Variants in TRDMT1 observed in about 807,000 individuals in gnomAD.
TRDMT1 encodes tRNA aspartic acid methyltransferase 1.
In TRDMT1, 49 loss-of-function variants were observed where a neutral mutation model predicts 51.2. That is an observed-to-expected ratio of 0.96 (90% CI 0.76 to 1.21). The LOEUF (loss-of-function observed/expected upper bound fraction) is 1.21, where lower values mean the gene tolerates loss of function less well. Among genes scored for constraint, TRDMT1 ranks in the 50% most tolerant of loss-of-function variants. TRDMT1 has a pLI of 0.00. For missense variants in TRDMT1, 534 were observed against 462.3 expected, an observed-to-expected ratio of 1.16 and a Z score of -1.42; for synonymous variants, 187 against 164.6, an observed-to-expected ratio of 1.14 and a Z score of -1.04.
chr10:17,145,678 T>A lies in TRDMT1; in HGVS notation c.*3362A>T. 1 of 985,446 alleles carries A rather than the reference T, an allele frequency of 1.0e-6. No homozygotes were observed. The allele number at this position is 985,446 out of a possible 1,614,324, so 61.0% of individuals were successfully genotyped here. A position where few individuals can be genotyped will look rare whatever the true frequency, so the allele number is the denominator to read the frequency against. On this transcript the variant is annotated 3_prime_UTR_variant, in exon 11 of 11. Transcript: ENST00000377799. ...CTTTAATCTCTTTGTCTATGTGGGA[T>A]TAAAATTTGGTCCTTATTGTGTTAT... is the stretch of plus-strand genomic sequence containing the variant.
chr10:17,174,642 T>C lies in TRDMT1; in HGVS notation c.83A>G (p.Gln28Arg). 2 of 1,613,828 alleles carry C rather than the reference T, an allele frequency of 1.2e-6. No homozygotes were observed. Among genetic ancestry groups the C allele is most frequent in the Middle Eastern group, 1.7e-4 (1 of 6,058 alleles). Reference protein sequence around the residue: ...HALRESCIPAQVVAAIDVNTV... With the variant: ...HALRESCIPARVVAAIDVNTV... ...GTTGACATCAATGGCAGCCACCACTTGTGCAGGTATACAGCTTTCTGTAAT... is the reference window on the plus strand; with the variant it reads ...GTTGACATCAATGGCAGCCACCACTCGTGCAGGTATACAGCTTTCTGTAAT... The change falls in exon 2 of 11, where the codon CAA (glutamine) becomes CGA (arginine). Residue 28 changes from glutamine to arginine, a missense_variant. By Grantham distance (43) the Gln-to-Arg change is conservative. Coordinates refer to ENST00000377799, the MANE Select transcript of TRDMT1 (RefSeq NM_004412.7).
Position 17,147,745 on chromosome 10 carries a change from G to A in TRDMT1, c.*1295C>T, listed in dbSNP as rs11254403. ...GACACTTGGGCTGCTTCTACCTTTT[G>A]GCTACTGTAAATAATGGTGTTATAA... On this transcript the variant is annotated 3_prime_UTR_variant, in exon 11 of 11. Transcript: ENST00000377799. 1 of 156,522 alleles carries A rather than the reference G, an allele frequency of 6.4e-6. No homozygotes were observed. Among genetic ancestry groups the A allele is most frequent in the South Asian group, 2.0e-4 (1 of 4,904 alleles). The allele number at this position is 156,522 out of a possible 1,614,324, so 9.7% of individuals were successfully genotyped here. A position where few individuals can be genotyped will look rare whatever the true frequency, so the allele number is the denominator to read the frequency against.
At chr10:17,162,263 C>CAA (rs74261044) in intron 3 of TRDMT1, 26 bp from the exon 4 acceptor site, 47 of 967,594 alleles carry the variant, frequency 4.9e-5, no homozygotes, top group Non-Finnish European at 6.5e-5. Flanking sequence ...AAAAAAAAAA[C>CAA]AAAAAAAAAC....
Position 17,141,229 on chromosome 10 carries a change from C to T in TRDMT1, c.*7811G>A, listed in dbSNP as rs1289746232. 1.3e-5 allele frequency among the ~76,000 whole-genome samples: 2 copies of T among 152,298 alleles called. No individual in the cohort carries two copies. The highest frequency in any genetic ancestry group is 2.4e-5 in the African/African-American group (1 of 41,558). On this transcript the variant is annotated 3_prime_UTR_variant, in exon 11 of 11. Transcript: ENST00000377799. ...CCAGGCTGGAGTGCAGTGGCACGAT[C>T]TCAGCTCACTGCAGTCTCCGCTCCT...
At chr10:17,163,427 C>A (rs1840706983) in intron 3 of TRDMT1, among the ~76,000 whole-genome samples, 1 of 152,060 alleles carries the variant, frequency 6.6e-6, no homozygotes, top group African/African-American at 2.4e-5. Flanking sequence ...CAGGAAAGAT[C>A]TAAAATTTAC....
chr10:17,157,793 A>C lies in TRDMT1; in HGVS notation c.544-9T>G, dbSNP rs1416626056. The C allele has an allele frequency of 6.5e-7, 1 of 1,530,756 alleles. No individual in the cohort carries two copies. Among genetic ancestry groups the C allele is most frequent in the Non-Finnish European group, 8.8e-7 (1 of 1,139,590 alleles). 94.8% of individuals were successfully genotyped at this position (1,530,756 alleles called of 1,614,324 possible). A position where few individuals can be genotyped will look rare whatever the true frequency, so the allele number is the denominator to read the frequency against. ...GGGAACTCCATCAGTACCTGGCATT[A>C]CATAAAAATACACAAATTGTCAAAA... On this transcript the variant is annotated splice_polypyrimidine_tract_variant and intron_variant, in intron 7 of 10. Transcript: ENST00000377799.
In TRDMT1 at chr10:17,142,938, G is replaced by A; in HGVS notation, c.*6102C>T. The A allele has an allele frequency of 1.1e-6, 1 of 941,236 alleles. No homozygotes were observed. Among genetic ancestry groups the A allele is most frequent in the Non-Finnish European group, 1.3e-6 (1 of 789,868 alleles). 58.3% of individuals were successfully genotyped at this position (941,236 alleles called of 1,614,324 possible). ...TAATTACACTTTTCAGGGAGGAGCA[G>A]GGAGAAATAAATCTACACTCTCTTG... On this transcript the variant is annotated 3_prime_UTR_variant, in exon 11 of 11. Coordinates refer to ENST00000377799, the MANE Select transcript of TRDMT1 (RefSeq NM_004412.7).
chr10:17,161,632 C>T (rs1443841704), intron 4 of TRDMT1, 84 bp from the exon 5 acceptor site: 7 of 745,222 alleles, frequency 9.4e-6, no homozygotes, highest in East Asian at 3.7e-5. Flanking sequence ...GTGGGAAATA[C>T]GAGGTAAGTA....
At chr10:17,164,940 T>C (rs992805818) in intron 3 of TRDMT1, among the ~76,000 whole-genome samples, 14 of 152,080 alleles carry the variant, frequency 9.2e-5, no homozygotes, top group Admixed American at 2.6e-4. Context: ...AATGGCCACA[T>C]TGCCCAAGGT....
chr10:17,193,778 G>A (rs1845018546), intron 1 of TRDMT1, among the ~76,000 whole-genome samples: 1 of 152,118 alleles, frequency 6.6e-6, no homozygotes, highest in African/African-American at 2.4e-5. Flanking sequence ...CAAACTACTA[G>A]CATCATTTTT....
intron 10 of TRDMT1, chr10:17,150,168 T>TATTGAAA (rs1229111606): frequency 1.9e-5 from 3 of 159,004 alleles, no homozygotes; most frequent in African/African-American, 7.2e-5. Context: ...TTTTCTATTT[T>TATTGAAA]AGCCATCCTA....
intron 1 of TRDMT1, among the ~76,000 whole-genome samples, chr10:17,193,210 A>C (rs1219460508): frequency 6.6e-6 from 1 of 152,070 alleles, no homozygotes; most frequent in Non-Finnish European, 1.5e-5. Flanking sequence ...CTAAAAATAC[A>C]AAATTAGCCA....
At chr10:17,151,474 A>C in intron 10 of TRDMT1, 1 of 976,890 alleles carries the variant, frequency 1.0e-6, no homozygotes. Flanking sequence ...AAACAGCTCA[A>C]ACAATGCCCA....
Position 17,157,625 on chromosome 10 carries a change from C to T in TRDMT1, c.703G>A (p.Ala235Thr), listed in dbSNP as rs1294363476. 8.7e-6 allele frequency: 14 copies of T among 1,613,794 alleles called. No individual in the cohort carries two copies. The highest frequency in any genetic ancestry group is 1.2e-5 in the Non-Finnish European group (14 of 1,179,838). ...KDAILFKLET[A>T]EEIHRKNQQD... ...TGATTTTTCCTGTGAATTTCTTCTG[C>T]AGTTTCAAGCTTAAAAAGAATGGCA... Residue 235 changes from alanine (A) to threonine (T), a missense_variant, in exon 8 of 11, where the codon GCA (alanine) becomes ACA (threonine). Physicochemically the swap from Ala to Thr is moderately conservative, Grantham distance 58. Coordinates refer to ENST00000377799, the MANE Select transcript of TRDMT1 (RefSeq NM_004412.7).
chr10:17,156,769 T>TA (rs1839578567), intron 8 of TRDMT1, among the ~76,000 whole-genome samples: 1 of 152,158 alleles, frequency 6.6e-6, no homozygotes, highest in Non-Finnish European at 1.5e-5. Flanking sequence ...GGCATATATA[T>TA]AATATCCTGC....
rs559080966 is a variant in TRDMT1, at chr10:17,181,135, G to T, written c.65-6475C>A. On this transcript the variant is annotated intron_variant, in intron 1 of 10. Coordinates refer to ENST00000377799, the MANE Select transcript of TRDMT1 (RefSeq NM_004412.7). ...ATCTGCCACCCCTCTACAGCTAGAT[G>T]CAGCCATGGACTAAAGTCAGACTAA... Among the ~76,000 whole-genome samples the T allele has an allele frequency of 4.6e-5, 7 of 152,284 alleles. No individual in the cohort carries two copies. In the East Asian group the frequency reaches 1.3e-3, roughly 29 times the overall value.
intron 1 of TRDMT1, among the ~76,000 whole-genome samples, chr10:17,189,526 C>T (rs1283920932): frequency 6.6e-6 from 1 of 152,102 alleles, no homozygotes; most frequent in East Asian, 1.9e-4. Context: ...CAACAAAGAA[C>T]ATCATTTAAT....
At chr10:17,183,257 G>A (rs1271596673) in intron 1 of TRDMT1, among the ~76,000 whole-genome samples, 1 of 152,256 alleles carries the variant, frequency 6.6e-6, no homozygotes, top group East Asian at 1.9e-4. Context: ...TTTATAAAGT[G>A]TATGTGTATG....
intron 2 of TRDMT1, among the ~76,000 whole-genome samples, chr10:17,173,324 T>C (rs1842262447): frequency 6.6e-6 from 1 of 152,186 alleles, no homozygotes; most frequent in African/African-American, 2.4e-5. Context: ...TATTGTAGTA[T>C]ATGATATTCT....
Sources: allele counts gnomAD v4.1 joint callset (sites outside exome capture counted in the v4.1 genomes callset), GRCh38; gene constraint gnomAD v4.1.1; transcripts MANE v1.5; gene names NCBI Gene and HGNC (gene_info 2026-07-23, HGNC 2026-07-21).